The following HPRT1 variants were observed in gnomAD, a reference collection of about 807,000 sequenced individuals.
HPRT1 encodes the protein hypoxanthine-guanine phosphoribosyltransferase.
Under a neutral mutation model 19.0 loss-of-function variants are expected in HPRT1, and 4 were observed. The observed-to-expected ratio is 0.21, with a 90% CI of 0.10 to 0.48. HPRT1 has a LOEUF of 0.48. Ranked by LOEUF, HPRT1 falls within the 20% of genes least tolerant of loss-of-function variation. The pLI, the probability that HPRT1 is intolerant of heterozygous loss-of-function variation, is 0.98. For missense variants in HPRT1, 65 were observed against 164.0 expected, an observed-to-expected ratio of 0.40 and a Z score of 3.30; for synonymous variants, 53 against 54.9, an observed-to-expected ratio of 0.97 and a Z score of 0.15.
At chrX:134,498,279 T>G in intron 6 of HPRT1, 111 bp from the exon 7 acceptor site, 1 of 642,581 alleles carries the variant, frequency 1.6e-6, no homozygotes, top group Non-Finnish European at 2.6e-6. Context: ...AAAGTGACCA[T>G]GGTACACTCA....
chrX:134,478,633 A>T (rs746456584), intron 3 of HPRT1, among the ~76,000 whole-genome samples: 8 of 111,907 alleles, frequency 7.1e-5, no homozygotes, highest in Non-Finnish European at 1.3e-4. Flanking sequence ...TTAAAAAAAT[A>T]AGAAAGAAAA....
At chrX:134,487,340 A>G (rs1260671901) in intron 4 of HPRT1, among the ~76,000 whole-genome samples, 1 of 111,143 alleles carries the variant, frequency 9.0e-6, no homozygotes, top group Non-Finnish European at 1.9e-5. Flanking sequence ...TTTATCTTCT[A>G]GTACATTGAA....
At chrX:134,462,223 C>T (rs942842760) in intron 1 of HPRT1, among the ~76,000 whole-genome samples, 7 of 111,026 alleles carry the variant, frequency 6.3e-5, no homozygotes, top group Non-Finnish European at 7.5e-5. Flanking sequence ...TCTTGTTGCC[C>T]GGGCTGGAGT....
chrX:134,493,601 C>T lies in HPRT1; in HGVS notation c.485+11C>T, dbSNP rs1236542812. On this transcript the variant is annotated intron_variant, in intron 6 of 8. Transcript: ENST00000298556. The stretch of plus-strand genomic sequence containing the variant: ...GGTCAAGGTCGCAAGGTATGTATGA[C>T]ATTTTGACACAGAATATTTTCCTCA... The T allele has an allele frequency of 2.8e-6, 3 of 1,089,151 alleles. No homozygotes were observed. The African/African-American group carries it at 5.5e-5, about 20-fold the overall frequency. The allele number at this position is 1,089,151 out of a possible 1,213,427, so 89.8% of individuals were successfully genotyped here. A position where few individuals can be genotyped will look rare whatever the true frequency, so the allele number is the denominator to read the frequency against.
At chrX:134,467,444 G>A (rs2077599917) in intron 1 of HPRT1, among the ~76,000 whole-genome samples, 1 of 112,256 alleles carries the variant, frequency 8.9e-6, no homozygotes, top group South Asian at 3.6e-4. Flanking sequence ...GATGCTGAAT[G>A]CATTTTTGTA....
intron 6 of HPRT1, 121 bp downstream of exon 6, chrX:134,493,711 A>G: frequency 1.9e-6 from 1 of 535,542 alleles, no homozygotes; most frequent in Non-Finnish European, 3.4e-6. Flanking sequence ...ATGTAATCTC[A>G]TATAAGACTT....
rs866429525 is a variant in HPRT1, at chrX:134,477,059, A to T, written c.318+1695A>T. The stretch of plus-strand genomic sequence containing the variant: ...ATTTTATTTTATTTTATTTTATTTT[A>T]TTTATTTATTTTTTTTTTTGAGACA... On this transcript the variant is annotated intron_variant, in intron 3 of 8. Coordinates refer to ENST00000298556, the MANE Select transcript of HPRT1 (RefSeq NM_000194.3). 2.2e-4 allele frequency among the ~76,000 whole-genome samples: 18 copies of T among 82,460 alleles called. No homozygotes were observed. The South Asian group carries it at 7.1e-3, about 32-fold the overall frequency. The allele number at this position is 82,460 out of a possible 115,157, so 71.6% of individuals were successfully genotyped here.
chrX:134,497,341 ATGT>A (rs1234002736), intron 6 of HPRT1, among the ~76,000 whole-genome samples: 1 of 111,345 alleles, frequency 9.0e-6, no homozygotes, highest in Non-Finnish European at 1.9e-5. Flanking sequence ...AAAAAAAAGA[ATGT>A]TGTGAGGCCG....
intron 1 of HPRT1, among the ~76,000 whole-genome samples, chrX:134,472,866 C>T (rs17885351): frequency 0.014 from 1,578 of 111,110 alleles, 31 homozygotes; most frequent in African/African-American, 0.049. Flanking sequence ...TGAGCCACCG[C>T]GCCCAGCCTG....
At chrX:134,471,397 T>G (rs140123377) in intron 1 of HPRT1, among the ~76,000 whole-genome samples, 195 of 111,589 alleles carry the variant, frequency 1.7e-3, no homozygotes, top group African/African-American at 5.8e-3. Context: ...TCAGTGTTAT[T>G]AAATATTTTG....
At chrX:134,463,782 T>G (rs1482996189) in intron 1 of HPRT1, among the ~76,000 whole-genome samples, 1 of 111,835 alleles carries the variant, frequency 8.9e-6, no homozygotes, top group Admixed American at 9.5e-5. Context: ...CTCTTCTACC[T>G]TTCTGTAATT....
chrX:134,485,379 A>G (rs768466676), intron 3 of HPRT1, among the ~76,000 whole-genome samples: 2 of 111,949 alleles, frequency 1.8e-5, no homozygotes, highest in African/African-American at 6.5e-5. Flanking sequence ...GGTTCATGTC[A>G]TGCCTGGGTT....
At position 134,493,537 on chromosome X, in the gene HPRT1, G is replaced by A. The variant is rs781608428; in HGVS notation, c.432G>A (p.Gln144=). The change falls in exon 6 of 9, where the codon CAG becomes CAA. Residue 144 remains glutamine, a synonymous_variant. Transcript: ENST00000298556. The part of the protein sequence containing the change: ...EDIIDTGKTM[Q]TLLSLVRQYN... ...TAATTGACACTGGCAAAACAATGCAGACTTTGCTTTCCTTGGTCAGGCAGT... is the reference window on the plus strand; with the variant it reads ...TAATTGACACTGGCAAAACAATGCAAACTTTGCTTTCCTTGGTCAGGCAGT... 18 of 1,207,747 alleles carry A rather than the reference G, an allele frequency of 1.5e-5. 1 individual carries two copies. The highest frequency in any genetic ancestry group is 1.8e-5 in the Non-Finnish European group (16 of 891,850).
At chrX:134,483,343 G>A (rs2077644750) in intron 3 of HPRT1, among the ~76,000 whole-genome samples, 1 of 111,720 alleles carries the variant, frequency 9.0e-6, no homozygotes, top group Non-Finnish European at 1.9e-5. Flanking sequence ...AATTCCTAGG[G>A]GCGGATAAGT....
intron 1 of HPRT1, among the ~76,000 whole-genome samples, chrX:134,472,162 C>CG (rs1388084758): frequency 8.2e-5 from 9 of 109,763 alleles, no homozygotes; most frequent in African/African-American, 2.7e-4. Flanking sequence ...TTTGTAGGGA[C>CG]GGGGTCTTGC....
chrX:134,476,298 A>G (rs1483406084), intron 3 of HPRT1, among the ~76,000 whole-genome samples: 1 of 112,249 alleles, frequency 8.9e-6, no homozygotes, highest in Non-Finnish European at 1.9e-5. Flanking sequence ...GTGATTGGGC[A>G]GCCATTTAAG....
At chrX:134,462,581 G>T (rs964571801) in intron 1 of HPRT1, among the ~76,000 whole-genome samples, 1 of 111,792 alleles carries the variant, frequency 8.9e-6, no homozygotes, top group Non-Finnish European at 1.9e-5. Flanking sequence ...GCTTCCCAAA[G>T]TGCTGGGATT....
chrX:134,471,881 C>T (rs750353930), intron 1 of HPRT1, among the ~76,000 whole-genome samples: 39 of 111,991 alleles, frequency 3.5e-4, no homozygotes, highest in African/African-American at 1.2e-3. Context: ...TCAGGTGATA[C>T]GCCCACCTGG....
chrX:134,469,801 A>C, intron 1 of HPRT1, among the ~76,000 whole-genome samples: 1 of 112,271 alleles, frequency 8.9e-6, no homozygotes, highest in Non-Finnish European at 1.9e-5. Context: ...GTGCATTTTC[A>C]TTCTTGTCAA....
Sources: gnomAD v4.1 joint callset for allele counts (sites outside exome capture counted in the v4.1 genomes callset) on GRCh38, gnomAD v4.1.1 for gene constraint, MANE v1.5 for transcripts, NCBI Gene and HGNC (gene_info 2026-07-23, HGNC 2026-07-21) for gene names.